COX19: variants seen among roughly 807,000 people sequenced by gnomAD.
The protein encoded by COX19 is cytochrome c oxidase assembly protein COX19.
COX19 carries 8 observed loss-of-function variants against 6.8 expected under a neutral mutation model. That is an observed-to-expected ratio of 1.18 (90% CI 0.69 to 2.12). The LOEUF is 2.12. COX19 is among the 30% of genes most tolerant of loss of function. COX19 has a pLI of 0.00. For synonymous variants in COX19, 51 were observed against 38.0 expected (o/e 1.34, Z -1.26); for missense variants, 131 against 104.6 (o/e 1.25, Z -1.10).
At chr7:973,408 G>C (rs574802643) in intron 1 of COX19, 116 bp from the exon 2 acceptor site, 1 of 1,319,990 alleles carries the variant, frequency 7.6e-7, no homozygotes, top group East Asian at 3.0e-5. Context: ...CAGGCCGGGC[G>C]CAGTGGTTCA....
chr7:971,017 C>T (rs1038519346), intron 2 of COX19, among the ~76,000 whole-genome samples: 3 of 152,184 alleles, frequency 2.0e-5, no homozygotes, highest in African/African-American at 4.8e-5. Flanking sequence ...ACATGCCCCC[C>T]GATCCTGCTG....
chr7:973,935 C>T (rs1847668857), intron 1 of COX19, among the ~76,000 whole-genome samples: 1 of 152,098 alleles, frequency 6.6e-6, no homozygotes, highest in Admixed American at 6.6e-5. Context: ...CACTGCACTC[C>T]AGCCTGGGTG....
In COX19 at chr7:970,783, G is replaced by A. The variant is rs1847623817; in HGVS notation, c.195-1327C>T. On this transcript the variant is annotated intron_variant, in intron 2 of 2. Transcript: ENST00000344111. ...TGTAGATATAGGGTTTCACTATGTT[G>A]CCCAGGCTGGTCTTGAACTCCTGAG... is the stretch of plus-strand genomic sequence containing the variant. Among the ~76,000 whole-genome samples, 4 of 151,996 alleles carry A rather than the reference G, an allele frequency of 2.6e-5. No individual in the cohort carries two copies. The South Asian group carries it at 8.3e-4, about 32-fold the overall frequency.
chr7:973,740 C>T (rs929923476), intron 1 of COX19, among the ~76,000 whole-genome samples: 5 of 151,806 alleles, frequency 3.3e-5, no homozygotes, highest in Middle Eastern at 3.4e-3. Flanking sequence ...CAGAGGTGGG[C>T]GGATCACCTG....
chr7:969,958 T>TA (rs1847613048), intron 2 of COX19, among the ~76,000 whole-genome samples: 1 of 51,218 alleles, frequency 2.0e-5, no homozygotes, highest in Non-Finnish European at 4.5e-5. Flanking sequence ...TATCTGATAT[T>TA]TTTTTTTTTT....
chr7:970,509 C>G (rs1005742242), intron 2 of COX19, among the ~76,000 whole-genome samples: 1 of 141,886 alleles, frequency 7.0e-6, no homozygotes, highest in Non-Finnish European at 1.5e-5. Flanking sequence ...GCGGCATGAT[C>G]TCGGCTCACT....
intron 2 of COX19, among the ~76,000 whole-genome samples, chr7:970,129 C>T (rs138059743): frequency 2.8e-3 from 420 of 152,052 alleles, no homozygotes; most frequent in Middle Eastern, 6.8e-3. Context: ...TGCCACCATG[C>T]GTGGCTAATT....
chr7:975,422 G>A lies in COX19; in HGVS notation c.82+6C>T, dbSNP rs376380079. On this transcript the variant is annotated splice_donor_region_variant and intron_variant, in intron 1 of 2. Transcript: ENST00000344111. ...GACCCCTGCCCGCCGACCTTCCGCC[G>A]CTCACCTAAGTGATCCAGCGGGAAG... 4.9e-4 allele frequency: 779 copies of A among 1,584,838 alleles called. No homozygotes were observed. The highest frequency in any genetic ancestry group is 6.1e-4 in the Non-Finnish European group (708 of 1,167,132).
Position 975,405 on chromosome 7 carries a change from C to G in COX19, c.82+23G>C, listed in dbSNP as rs781202136. 7 of 1,561,694 alleles carry G rather than the reference C, an allele frequency of 4.5e-6. No individual in the cohort carries two copies. In the Admixed American group the frequency reaches 7.3e-5, roughly 16 times the overall value. On this transcript the variant is annotated intron_variant, in intron 1 of 2. Transcript: ENST00000344111. Reference sequence around the variant, plus strand: ...CCAGACCCCCCATCGCAGACCCCTGCCCGCCGACCTTCCGCCGCTCACCTA... The same window carrying G: ...CCAGACCCCCCATCGCAGACCCCTGGCCGCCGACCTTCCGCCGCTCACCTA...
chr7:975,097 G>T (rs1847686509), intron 1 of COX19: 2 of 298,250 alleles, frequency 6.7e-6, no homozygotes, highest in Admixed American at 5.2e-5. Flanking sequence ...CTGCAGCTGC[G>T]GGCTTCGTGG....
chr7:971,881 T>C (rs1239578113), intron 2 of COX19, among the ~76,000 whole-genome samples: 3 of 151,908 alleles, frequency 2.0e-5, no homozygotes, highest in Non-Finnish European at 2.9e-5. Flanking sequence ...AAAAAAATAA[T>C]AAAAATAAAA....
chr7:975,448 C>A lies in COX19; in HGVS notation c.62G>T (p.Ser21Ile). The change falls in exon 1 of 3, where the codon AGC becomes ATC. Residue 21 changes from serine (S) to isoleucine (I), a missense_variant. Ser to Ile is a moderately radical substitution (Grantham distance 142). Transcript: ENST00000344111. ...SFQPRPPDKG[S>I]FPLDHLGECK... ...CTCACCTAAGTGATCCAGCGGGAAG[C>A]TGCCCTTGTCCGGGGGCCGCGGCTG... 6.3e-7 allele frequency: 1 copy of A among 1,599,442 alleles called. No individual in the cohort carries two copies. Among genetic ancestry groups the A allele is most frequent in the South Asian group, 1.1e-5 (1 of 89,092 alleles).
chr7:964,960 G>A lies in COX19; in HGVS notation c.*4418C>T, dbSNP rs75881071. Among the ~76,000 whole-genome samples, 2,232 of 152,306 alleles carry A rather than the reference G, an allele frequency of 0.015. 57 individuals are homozygous for A. The highest frequency in any genetic ancestry group is 0.051 in the African/African-American group (2,120 of 41,560). On this transcript the variant is annotated 3_prime_UTR_variant, in exon 3 of 3. Coordinates refer to ENST00000344111, the MANE Select transcript of COX19 (RefSeq NM_001031617.3). ...GATGATGAACTACCCGAAATATCTC[G>A]TGAGAAGCTCTGGCAGGAACAGCAG... is the stretch of plus-strand genomic sequence containing the variant.
intron 2 of COX19, among the ~76,000 whole-genome samples, chr7:972,167 C>T (rs577743657): frequency 1.3e-5 from 2 of 152,196 alleles, no homozygotes; most frequent in African/African-American, 4.8e-5. Flanking sequence ...AATTTAAACA[C>T]GTGGCTCCAG....
rs899027525 is a variant in COX19 at position 965,570 on chromosome 7, C to G, written c.*3808G>C. Among the ~76,000 whole-genome samples, 11 of 152,176 alleles carry G rather than the reference C, an allele frequency of 7.2e-5. No individual in the cohort carries two copies. The highest frequency in any genetic ancestry group is 2.4e-4 in the African/African-American group (10 of 41,434). Reference sequence around the variant, plus strand: ...GTGACATGACTGTCTCCTCGGAGGTCACTATGCATCTCAAGGGGAGGTTTC... The same window carrying G: ...GTGACATGACTGTCTCCTCGGAGGTGACTATGCATCTCAAGGGGAGGTTTC... On this transcript the variant is annotated 3_prime_UTR_variant, in exon 3 of 3. Coordinates refer to ENST00000344111, the MANE Select transcript of COX19 (RefSeq NM_001031617.3).
rs556132668 is a variant in COX19 at position 967,878 on chromosome 7, C to A, written c.*1500G>T. 2 of 152,320 alleles carry A rather than the reference C, an allele frequency of 1.3e-5. No homozygotes were observed. Among genetic ancestry groups the A allele is most frequent in the Non-Finnish European group, 2.9e-5 (2 of 68,068 alleles). The allele number at this position is 152,320 out of a possible 1,614,324, so 9.4% of individuals were successfully genotyped here. ...TTGGCGAGCTCATGGCACGTGGCCA[C>A]ACCGCGTCAGCGCCGACTCCACGGT... On this transcript the variant is annotated 3_prime_UTR_variant, in exon 3 of 3. Transcript: ENST00000344111.
In COX19 at chr7:968,658, C is replaced by A. The variant is rs968469477; in HGVS notation, c.*720G>T. ...CCCCTGCCAGGCTGTGCTGCGAACACGTGCCGGGGTCTCGGGCGGAGCTGG... is the reference window on the plus strand; with the variant it reads ...CCCCTGCCAGGCTGTGCTGCGAACAAGTGCCGGGGTCTCGGGCGGAGCTGG... On this transcript the variant is annotated 3_prime_UTR_variant, in exon 3 of 3. Transcript: ENST00000344111. 1 of 152,262 alleles carries A rather than the reference C, an allele frequency of 6.6e-6. No individual in the cohort carries two copies. 9.4% of individuals were successfully genotyped at this position (152,262 alleles called of 1,614,324 possible).
At chr7:971,167 G>A (rs750206772) in intron 2 of COX19, among the ~76,000 whole-genome samples, 12 of 152,160 alleles carry the variant, frequency 7.9e-5, no homozygotes, top group Non-Finnish European at 1.0e-4. Flanking sequence ...TGTGACACCC[G>A]GTGCCTAAAA....
At position 967,348 on chromosome 7, in the gene COX19, A is replaced by T. The variant is rs1847571543; in HGVS notation, c.*2030T>A. ...TACCTTTGTACGTTAGAAAAGCAGG[A>T]GCTCAATACACCTGGCTCTCATCAT... On this transcript the variant is annotated 3_prime_UTR_variant, in exon 3 of 3. Coordinates refer to ENST00000344111, the MANE Select transcript of COX19 (RefSeq NM_001031617.3). 1 of 152,236 alleles carries T rather than the reference A, an allele frequency of 6.6e-6. No homozygotes were observed. Among genetic ancestry groups the T allele is most frequent in the African/African-American group, 2.4e-5 (1 of 41,450 alleles). 9.4% of individuals were successfully genotyped at this position (152,236 alleles called of 1,614,324 possible).
Sources: gnomAD v4.1 joint callset for allele counts (sites outside exome capture counted in the v4.1 genomes callset) on GRCh38, gnomAD v4.1.1 for gene constraint, MANE v1.5 for transcripts, NCBI Gene and HGNC (gene_info 2026-07-23, HGNC 2026-07-21) for gene names.